The following KIF11 variants were observed in gnomAD, a reference collection of about 807,000 sequenced individuals.
KIF11 encodes the protein kinesin family member 11, also known as kinesin-like protein KIF11.
A neutral mutation model predicts 121.0 loss-of-function variants in KIF11; 9 were observed. The observed-to-expected ratio is 0.07, with a 90% CI of 0.04 to 0.13. KIF11 has a LOEUF of 0.13. KIF11 is among the 10% of genes least tolerant of loss of function. The pLI is 1.00. For missense variants in KIF11, 846 were observed against 1,217.5 expected (o/e 0.69, Z 4.54); for synonymous variants, 408 against 421.0 (o/e 0.97, Z 0.38).
At chr10:92,651,756 G>T (rs1844988134) in intron 21 of KIF11, among the ~76,000 whole-genome samples, 1 of 151,670 alleles carries the variant, frequency 6.6e-6, no homozygotes, top group Admixed American at 6.6e-5. Flanking sequence ...AATGTCACCA[G>T]TCCCTTAATG....
Position 92,645,411 on chromosome 10 carries a change from T to A in KIF11, c.2316T>A (p.Phe772Leu). The change falls in exon 18 of 22, where the codon TTT (phenylalanine) becomes TTA (leucine). Residue 772 changes from phenylalanine (F) to leucine (L), a missense_variant. Coordinates refer to ENST00000260731, the MANE Select transcript of KIF11 (RefSeq NM_004523.4). ...AAATGACTTTTCACAGTCAAAAATT[T>A]TGTGCTGATTCTGATGGCTTCTCAC... Reference protein sequence around the residue: ...VNKMTFHSQKFCADSDGFSQE... With the variant: ...VNKMTFHSQKLCADSDGFSQE... 6.2e-7 allele frequency: 1 copy of A among 1,613,176 alleles called. No homozygotes were observed.
chr10:92,612,111 G>GT (rs1359197335), intron 6 of KIF11, among the ~76,000 whole-genome samples: 1 of 150,634 alleles, frequency 6.6e-6, no homozygotes, highest in Non-Finnish European at 1.5e-5. Flanking sequence ...TTTGTTTTTT[G>GT]TTTTTTTGTT....
intron 16 of KIF11, among the ~76,000 whole-genome samples, chr10:92,637,981 T>C (rs1356551811): frequency 6.6e-6 from 1 of 152,214 alleles, no homozygotes; most frequent in Non-Finnish European, 1.5e-5. Context: ...TAAAACATAG[T>C]AAATCGATAC....
intron 9 of KIF11, among the ~76,000 whole-genome samples, chr10:92,619,057 C>G (rs1414765838): frequency 1.3e-5 from 2 of 152,078 alleles, no homozygotes; most frequent in Admixed American, 1.3e-4. Context: ...CACTCTGTTG[C>G]CCAGGCTGGA....
chr10:92,608,322 G>T (rs559785305), intron 4 of KIF11, among the ~76,000 whole-genome samples: 203 of 151,560 alleles, frequency 1.3e-3, no homozygotes, highest in Non-Finnish European at 2.3e-3. Flanking sequence ...TCTTCTAGTG[G>T]TTACATAATT....
intron 2 of KIF11, 56 bp from the exon 3 acceptor site, chr10:92,606,563 T>C: frequency 7.8e-7 from 1 of 1,280,796 alleles, no homozygotes; most frequent in East Asian, 2.4e-5. Context: ...AAAAACAAAA[T>C]TATTAAAATG....
chr10:92,616,647 C>A, intron 8 of KIF11, 90 bp from the exon 9 acceptor site: 1 of 637,178 alleles, frequency 1.6e-6, no homozygotes, highest in South Asian at 2.0e-5. Flanking sequence ...TAAAATATTA[C>A]TTGTAAGTTA....
intron 1 of KIF11, among the ~76,000 whole-genome samples, chr10:92,599,394 G>A (rs961200929): frequency 3.3e-5 from 5 of 151,138 alleles, no homozygotes; most frequent in East Asian, 2.0e-4. Flanking sequence ...GCATCGTGGC[G>A]CGTGCCTGTA....
In KIF11 at chr10:92,613,581, A is replaced by G. The variant is rs768760171; in HGVS notation, c.994A>G (p.Ile332Val). Residue 332 changes from isoleucine to valine, a missense_variant, in exon 8 of 22, where the codon ATA becomes GTA. Physicochemically the swap from Ile to Val is conservative, Grantham distance 29. Transcript: ENST00000260731. This position sits in a 1 kb window ranked among gnomAD's most constrained non-coding sequence, Gnocchi z 4.2. ...TCTTGGAGGGCGTACAAGAACATCT[A>G]TAATTGCAACAATTTCTCCTGCATC... is the stretch of plus-strand genomic sequence containing the variant. Reference protein sequence around the residue: ...DSLGGRTRTSIIATISPASLN... With the variant: ...DSLGGRTRTSVIATISPASLN... The G allele has an allele frequency of 5.0e-6, 8 of 1,613,348 alleles. No homozygotes were observed. The East Asian group carries it at 1.3e-4, about 27-fold the overall frequency.
chr10:92,598,344 A>G (rs2135895608), intron 1 of KIF11, among the ~76,000 whole-genome samples: 1 of 152,318 alleles, frequency 6.6e-6, no homozygotes, highest in Middle Eastern at 3.4e-3. Flanking sequence ...CCATTTGGTG[A>G]AAAGCTTGTC....
chr10:92,636,582 C>T (rs183575792), intron 14 of KIF11, among the ~76,000 whole-genome samples: 3 of 151,814 alleles, frequency 2.0e-5, no homozygotes, highest in Admixed American at 2.0e-4. Context: ...CGCCATTGCA[C>T]TCCAGCCTGG....
chr10:92,654,081 C>T lies in KIF11; in HGVS notation c.*285C>T, dbSNP rs910999567. ...ATCCCAGCTACTGGGGAGGCTGAGG[C>T]ACGAGAATCACTTGAACCCAGGAAG... On this transcript the variant is annotated 3_prime_UTR_variant, in exon 22 of 22. Transcript: ENST00000260731. 4.2e-6 allele frequency: 1 copy of T among 237,356 alleles called. No individual in the cohort carries two copies. Among genetic ancestry groups the T allele is most frequent in the Non-Finnish European group, 8.4e-6 (1 of 119,000 alleles). The allele number at this position is 237,356 out of a possible 1,614,324, so 14.7% of individuals were successfully genotyped here. A position where few individuals can be genotyped will look rare whatever the true frequency, so the allele number is the denominator to read the frequency against.
chr10:92,651,610 G>GCC (rs1302517511), intron 21 of KIF11, among the ~76,000 whole-genome samples: 1 of 129,436 alleles, frequency 7.7e-6, no homozygotes, highest in Admixed American at 9.2e-5. Flanking sequence ...CAGGTGATCT[G>GCC]CCTGCCTCGG....
At chr10:92,622,853 A>T (rs903341606) in intron 10 of KIF11, among the ~76,000 whole-genome samples, 1 of 152,164 alleles carries the variant, frequency 6.6e-6, no homozygotes, top group Non-Finnish European at 1.5e-5. Context: ...TCCTGGTAGA[A>T]GAGCTAAGGA....
rs189734472 is a variant in KIF11, at chr10:92,637,491, G to T, written c.2106G>T (p.Lys702Asn). 3.7e-5 allele frequency: 60 copies of T among 1,608,132 alleles called. No homozygotes were observed. Among genetic ancestry groups the T allele is most frequent in the Admixed American group, 2.3e-4 (13 of 57,708 alleles). ...TTTGTTCCTTGGTTGAGTCACAAAA[G>T]CAATGTGGAAACCTAACTGAAGACC... ...NTICSLVESQ[K>N]QCGNLTEDLK... Residue 702 changes from lysine to asparagine, a missense_variant, in exon 16 of 22, where the codon AAG becomes AAT. Physicochemically the swap from Lys to Asn is moderately conservative, Grantham distance 94. This residue lies in a region of KIF11 where 492 missense variants were observed against 603.4 expected (regional missense o/e 0.82). Transcript: ENST00000260731.
At chr10:92,622,668 A>G (rs36031409) in intron 10 of KIF11, among the ~76,000 whole-genome samples, 1 of 152,102 alleles carries the variant, frequency 6.6e-6, no homozygotes, top group Non-Finnish European at 1.5e-5. Context: ...TAATTATAGT[A>G]CAATATCAAA....
chr10:92,616,187 T>C (rs144722020), intron 8 of KIF11, among the ~76,000 whole-genome samples: 37 of 151,836 alleles, frequency 2.4e-4, no homozygotes, highest in African/African-American at 8.2e-4. Flanking sequence ...TTGAGCTTTG[T>C]GGTTTTTTTG....
chr10:92,611,792 G>A (rs558440839), intron 6 of KIF11, among the ~76,000 whole-genome samples: 8 of 152,156 alleles, frequency 5.3e-5, no homozygotes, highest in African/African-American at 1.9e-4. Context: ...CCAGATACTC[G>A]GTAGGCTGAG....
Position 92,610,540 on chromosome 10 carries a change from T to G in KIF11, c.698+1031T>G, listed in dbSNP as rs564053961. On this transcript the variant is annotated intron_variant, in intron 6 of 21. Coordinates refer to ENST00000260731, the MANE Select transcript of KIF11 (RefSeq NM_004523.4). ...GTTTACTAAAACAGAAGTGGTTTTT[T>G]TGTGTGTGTGTGTGGTCTTTAAACC... Among the ~76,000 whole-genome samples, 59 of 151,930 alleles carry G rather than the reference T, an allele frequency of 3.9e-4. 3 individuals are homozygous for G. In the South Asian group the frequency reaches 7.5e-3, roughly 19 times the overall value.
Sources: gnomAD v4.1 joint callset for allele counts (sites outside exome capture counted in the v4.1 genomes callset) on GRCh38, gnomAD v4.1.1 for gene constraint, gnomAD v4.1.1 regional missense constraint, Gnocchi (gnomAD v3.1) non-coding constraint, MANE v1.5 for transcripts, NCBI Gene and HGNC (gene_info 2026-07-23, HGNC 2026-07-21) for gene names.